Variants in UGT1A6 observed in about 807,000 individuals in gnomAD.
The protein encoded by UGT1A6 is UDP glucuronosyltransferase family 1 member A6, also known as UDP-glucuronosyltransferase 1A6.
UGT1A6 carries 32 observed loss-of-function variants against 44.4 expected under a neutral mutation model. The observed-to-expected ratio is 0.72, with a 90% CI of 0.54 to 0.97. The LOEUF is 0.97. Among genes scored for constraint, UGT1A6 ranks in the 50% least tolerant of loss-of-function variants. The probability of loss-of-function intolerance (pLI) is 0.00; values close to 1 mark genes in which losing one functional copy is unlikely to be tolerated. For missense variants in UGT1A6, 685 were observed against 661.9 expected, an observed-to-expected ratio of 1.03 and a Z score of -0.38; for synonymous variants, 238 against 248.5, an observed-to-expected ratio of 0.96 and a Z score of 0.40.
At chr2:233,757,272 A>G (rs1186408915) in intron 1 of UGT1A6, among the ~76,000 whole-genome samples, 15 of 122,852 alleles carry the variant, frequency 1.2e-4, no homozygotes, top group East Asian at 8.4e-4. Context: ...AGCCGATGCA[A>G]TGATTCAGAA....
rs552495015 is a variant in UGT1A6 at position 233,755,020 on chromosome 2, T to C, written c.862-12014T>C. On this transcript the variant is annotated intron_variant, in intron 1 of 4. Transcript: ENST00000305139. Reference sequence around the variant, plus strand: ...CTGAAGACCTACTCGAAGGGGTCCTTGAAGGGCCTGCCGCCTGCGCAGCCG... The same window carrying C: ...CTGAAGACCTACTCGAAGGGGTCCTCGAAGGGCCTGCCGCCTGCGCAGCCG... 4.2e-4 allele frequency: 552 copies of C among 1,304,914 alleles called. 2 individuals carry two copies. In the African/African-American group the frequency reaches 6.3e-3, roughly 15 times the overall value. 80.8% of individuals were successfully genotyped at this position (1,304,914 alleles called of 1,614,324 possible). A position where few individuals can be genotyped will look rare whatever the true frequency, so the allele number is the denominator to read the frequency against.
intron 1 of UGT1A6, chr2:233,761,188 C>A: frequency 6.2e-7 from 1 of 1,614,130 alleles, no homozygotes; most frequent in Non-Finnish European, 8.5e-7. Context: ...TGCGTATATT[C>A]TTTCAGATGT....
At chr2:233,764,915 C>T (rs892234743) in intron 1 of UGT1A6, among the ~76,000 whole-genome samples, 15 of 152,136 alleles carry the variant, frequency 9.9e-5, no homozygotes, top group East Asian at 1.9e-4. Context: ...AGAGGACTCA[C>T]GAGGGCCTGG....
Position 233,693,667 on chromosome 2 carries a change from A to G in UGT1A6, c.663A>G (p.Leu221=). ...TTGTTAATTTGTTGGAGCCCTATCT[A>G]TTTTATTGTCTGTTTTCAAAGTATG... ...NFLVNLLEPY[L]FYCLFSKYEE... The change falls in exon 1 of 5, where the codon CTA becomes CTG. Residue 221 remains leucine, a synonymous_variant. Coordinates refer to ENST00000305139, the MANE Select transcript of UGT1A6 (RefSeq NM_001072.4). 1 of 1,614,180 alleles carries G rather than the reference A, an allele frequency of 6.2e-7. No homozygotes were observed. Among genetic ancestry groups the G allele is most frequent in the South Asian group, 1.1e-5 (1 of 91,076 alleles).
chr2:233,729,939 C>A (rs1259357082), intron 1 of UGT1A6: 3 of 1,614,034 alleles, frequency 1.9e-6, no homozygotes, highest in Admixed American at 3.3e-5. Flanking sequence ...CAATCATGCC[C>A]AACATGGTCT....
At chr2:233,714,493 C>T (rs566315166) in intron 1 of UGT1A6, among the ~76,000 whole-genome samples, 3 of 152,194 alleles carry the variant, frequency 2.0e-5, no homozygotes, top group South Asian at 2.1e-4. Flanking sequence ...TGTGAAGACA[C>T]TACTTAAAAA....
intron 3 of UGT1A6, 56 bp from the exon 4 acceptor site, chr2:233,768,164 C>T: frequency 1.2e-6 from 2 of 1,613,412 alleles, no homozygotes; most frequent in Non-Finnish European, 1.7e-6. Flanking sequence ...CTAGATGTGT[C>T]CAGCTGTGAA....
At chr2:233,712,374 T>A (rs1160539437) in intron 1 of UGT1A6, among the ~76,000 whole-genome samples, 2 of 152,226 alleles carry the variant, frequency 1.3e-5, no homozygotes, top group Admixed American at 6.5e-5. Context: ...CAGCTTTTTT[T>A]ATATTGACAG....
At chr2:233,713,122 T>A (rs2076280431) in intron 1 of UGT1A6, 1 of 1,614,100 alleles carries the variant, frequency 6.2e-7, no homozygotes, top group South Asian at 1.1e-5. Context: ...TGGCTCAGCA[T>A]GCGGGAGGCC....
At chr2:233,729,993 G>C in intron 1 of UGT1A6, 4 of 1,613,886 alleles carry the variant, frequency 2.5e-6, no homozygotes, top group Non-Finnish European at 3.4e-6. Context: ...CACTATCTCA[G>C]GTCTGTATTG....
intron 1 of UGT1A6, among the ~76,000 whole-genome samples, chr2:233,727,395 G>C (rs1447240084): frequency 2.6e-5 from 4 of 152,142 alleles, no homozygotes; most frequent in Non-Finnish European, 4.4e-5. Context: ...CGTCTTCCAA[G>C]ATACATGGGC....
At chr2:233,712,924 G>C in intron 1 of UGT1A6, 3 of 1,611,998 alleles carry the variant, frequency 1.9e-6, no homozygotes, top group Non-Finnish European at 1.7e-6. Flanking sequence ...AGGTAATTAA[G>C]ACGAAGGAAA....
At chr2:233,723,516 C>T (rs1242100621) in intron 1 of UGT1A6, among the ~76,000 whole-genome samples, 34 of 85,382 alleles carry the variant, frequency 4.0e-4, no homozygotes, top group African/African-American at 1.3e-3. Flanking sequence ...GGTCAACAAT[C>T]TTTTTTTTTT....
intron 1 of UGT1A6, chr2:233,729,672 TAAGGGCACACAGTGTCC>T (rs2077905850): frequency 6.2e-7 from 1 of 1,613,858 alleles, no homozygotes; most frequent in South Asian, 1.1e-5. Context: ...ATTTAGACTT[TAAGGGCACACAGTGTCC>T]AAACCCTTCC....
intron 1 of UGT1A6, chr2:233,754,963 A>G: frequency 7.6e-7 from 1 of 1,309,276 alleles, no homozygotes; most frequent in Non-Finnish European, 1.0e-6. Flanking sequence ...CCGCCAAAGA[A>G]CTCCCTGAAG....
intron 1 of UGT1A6, among the ~76,000 whole-genome samples, chr2:233,745,151 G>A (rs1280914667): frequency 6.6e-6 from 1 of 151,808 alleles, no homozygotes; most frequent in African/African-American, 2.4e-5. Flanking sequence ...AGTATATGGA[G>A]GGTCAAATGT....
At chr2:233,748,084 G>T in intron 1 of UGT1A6, 7 of 1,613,070 alleles carry the variant, frequency 4.3e-6, no homozygotes, top group Non-Finnish European at 5.9e-6. Flanking sequence ...TCTCAGGTCG[G>T]TGTTCGTGCC....
intron 1 of UGT1A6, among the ~76,000 whole-genome samples, chr2:233,738,801 T>C (rs1338084324): frequency 2.0e-5 from 3 of 152,194 alleles, no homozygotes; most frequent in Non-Finnish European, 4.4e-5. Context: ...GCAGAAATAC[T>C]AGCTAAAGAA....
At chr2:233,707,372 C>T (rs913924514) in intron 1 of UGT1A6, among the ~76,000 whole-genome samples, 1 of 152,014 alleles carries the variant, frequency 6.6e-6, no homozygotes, top group Non-Finnish European at 1.5e-5. Flanking sequence ...AGGTATTAAG[C>T]TCAGCATCCA....
Sources: gnomAD v4.1 joint callset for allele counts (sites outside exome capture counted in the v4.1 genomes callset) on GRCh38, gnomAD v4.1.1 for gene constraint, MANE v1.5 for transcripts, NCBI Gene and HGNC (gene_info 2026-07-23, HGNC 2026-07-21) for gene names.